PACRG: variants seen among roughly 807,000 people sequenced by gnomAD.
PACRG encodes parkin coregulated gene protein.
PACRG carries 29 observed loss-of-function variants against 29.7 expected under a neutral mutation model. The ratio of observed to expected loss-of-function variants is 0.98; its 90% CI spans 0.73 to 1.33. The LOEUF (loss-of-function observed/expected upper bound fraction) is 1.33. PACRG is among the 40% of genes most tolerant of loss of function. PACRG has a pLI of 0.00. For missense variants in PACRG, 279 were observed against 316.2 expected (o/e 0.88, Z 0.89); for synonymous variants, 116 against 118.7 (o/e 0.98, Z 0.15).
intron 3 of PACRG, among the ~76,000 whole-genome samples, chr6:163,075,507 A>G (rs1344756184): frequency 1.3e-5 from 2 of 152,228 alleles, no homozygotes; most frequent in Non-Finnish European, 2.9e-5. Context: ...ATTAAACAAT[A>G]TAACTAACAA....
intron 2 of PACRG, among the ~76,000 whole-genome samples, chr6:162,951,452 T>A (rs956426236): frequency 6.6e-6 from 1 of 152,216 alleles, no homozygotes; most frequent in Non-Finnish European, 1.5e-5. Flanking sequence ...GTCAGATATT[T>A]CTTTCAAACA....
chr6:163,107,435 G>T (rs986624068), intron 4 of PACRG, among the ~76,000 whole-genome samples: 1 of 152,152 alleles, frequency 6.6e-6, no homozygotes, highest in Non-Finnish European at 1.5e-5. Context: ...ATTGGTGGTG[G>T]ATCCCAGTTG....
intron 4 of PACRG, among the ~76,000 whole-genome samples, chr6:163,208,032 GT>G (rs1440349394): frequency 6.6e-6 from 1 of 152,202 alleles, no homozygotes; most frequent in Non-Finnish European, 1.5e-5. Flanking sequence ...GCCACAGACG[GT>G]CGGGCAATGC....
chr6:162,945,092 G>GA (rs970563850), intron 2 of PACRG, among the ~76,000 whole-genome samples: 23 of 150,066 alleles, frequency 1.5e-4, no homozygotes, highest in African/African-American at 3.7e-4. Flanking sequence ...CATTAACAGA[G>GA]AAAAAAAAAG....
intron 2 of PACRG, among the ~76,000 whole-genome samples, chr6:162,927,630 C>A (rs902071153): frequency 7.9e-5 from 12 of 151,920 alleles, no homozygotes; most frequent in African/African-American, 2.4e-4. Context: ...GGGAGGGGAA[C>A]AAAACACACC....
chr6:163,233,379 T>A (rs1474188628), intron 4 of PACRG, among the ~76,000 whole-genome samples: 1 of 152,124 alleles, frequency 6.6e-6, no homozygotes, highest in African/African-American at 2.4e-5. Flanking sequence ...GCAGGGGCAT[T>A]TTACAGTTGA....
rs115872292 is a variant in PACRG, at chr6:163,205,186, T to G, written c.614-109641T>G. Among the ~76,000 whole-genome samples the G allele has an allele frequency of 4.2e-3, 646 of 152,304 alleles. 6 individuals are homozygous for G. The highest frequency in any genetic ancestry group is 0.015 in the African/African-American group (608 of 41,548). Reference sequence around the variant, plus strand: ...GATGCTATTCCAATTAATCTACCAATGACATTCTTCATAGAATTAGAAAAA... The same window carrying G: ...GATGCTATTCCAATTAATCTACCAAGGACATTCTTCATAGAATTAGAAAAA... On this transcript the variant is annotated intron_variant, in intron 4 of 4. Transcript: ENST00000366888.
chr6:163,306,127 T>C (rs1307795379), intron 4 of PACRG, among the ~76,000 whole-genome samples: 1 of 152,262 alleles, frequency 6.6e-6, no homozygotes, highest in East Asian at 1.9e-4. Flanking sequence ...GGAATAATAA[T>C]AGTATTTAGC....
intron 4 of PACRG, among the ~76,000 whole-genome samples, chr6:163,167,323 A>C (rs982171223): frequency 2.0e-5 from 3 of 152,150 alleles, no homozygotes; most frequent in African/African-American, 7.2e-5. Context: ...AAATTCTGTA[A>C]ATTTTTCGGA....
At chr6:162,857,389 T>C (rs988153536) in intron 2 of PACRG, among the ~76,000 whole-genome samples, 2 of 152,206 alleles carry the variant, frequency 1.3e-5, no homozygotes, top group Admixed American at 1.3e-4. Context: ...AGGGAACATT[T>C]TGAAGGGAGG....
At chr6:162,787,632 T>C (rs1418710715) in intron 1 of PACRG, among the ~76,000 whole-genome samples, 1 of 136,122 alleles carries the variant, frequency 7.3e-6, no homozygotes, top group Non-Finnish European at 1.6e-5. Context: ...GGTTGTCCTC[T>C]CTCTTTTGCT....
At chr6:163,062,357 T>C in intron 3 of PACRG, 36 bp downstream of exon 3, 1 of 1,571,874 alleles carries the variant, frequency 6.4e-7, no homozygotes, top group South Asian at 1.2e-5. Flanking sequence ...ACTCAGTTTA[T>C]ACGGTGTTGC....
chr6:162,777,558 A>G lies in PACRG; in HGVS notation c.157-36589A>G, dbSNP rs1250032008. ...CATGGTGCTATTTATTGTTATTATT[A>G]ATTATTAGTTTTTTAATCACAGCCT... On this transcript the variant is annotated intron_variant, in intron 1 of 4. Coordinates refer to ENST00000366888, the MANE Select transcript of PACRG (RefSeq NM_001080379.2). This position sits in a 1 kb window ranked among gnomAD's most constrained non-coding sequence, Gnocchi z 4.0. 1.3e-5 allele frequency among the ~76,000 whole-genome samples: 2 copies of G among 152,124 alleles called. No individual in the cohort carries two copies.
chr6:163,180,952 T>C, intron 4 of PACRG, among the ~76,000 whole-genome samples: 1 of 152,254 alleles, frequency 6.6e-6, no homozygotes, highest in East Asian at 1.9e-4. Context: ...CGTACAGTTA[T>C]GACATTGACC....
chr6:163,101,958 C>A (rs959429967), intron 4 of PACRG, among the ~76,000 whole-genome samples: 2 of 152,180 alleles, frequency 1.3e-5, no homozygotes, highest in Non-Finnish European at 2.9e-5. Context: ...TTACTATGTG[C>A]CAGCGCAGCA....
chr6:162,786,705 T>C (rs1285779383), intron 1 of PACRG, among the ~76,000 whole-genome samples: 2 of 150,502 alleles, frequency 1.3e-5, no homozygotes, highest in African/African-American at 4.8e-5. Context: ...GGGCTTTTGA[T>C]TGTTTGAATA....
intron 4 of PACRG, among the ~76,000 whole-genome samples, chr6:163,146,449 A>T (rs866427357): frequency 6.6e-6 from 1 of 152,238 alleles, no homozygotes; most frequent in Non-Finnish European, 1.5e-5. Flanking sequence ...TCTCCAAGCT[A>T]TCTACTTGTG....
chr6:163,295,163 G>A (rs1784742737), intron 4 of PACRG, among the ~76,000 whole-genome samples: 1 of 152,188 alleles, frequency 6.6e-6, no homozygotes, highest in Non-Finnish European at 1.5e-5. Context: ...GTTGAATATT[G>A]GCAACGTTAT....
chr6:163,247,323 C>G (rs1434862054), intron 4 of PACRG, among the ~76,000 whole-genome samples: 1 of 152,150 alleles, frequency 6.6e-6, no homozygotes, highest in Non-Finnish European at 1.5e-5. Flanking sequence ...CCTGGAGGAG[C>G]GCTCCTTATG....
Sources: gnomAD v4.1 joint callset for allele counts (sites outside exome capture counted in the v4.1 genomes callset) on GRCh38, gnomAD v4.1.1 for gene constraint, Gnocchi (gnomAD v3.1) non-coding constraint, MANE v1.5 for transcripts, NCBI Gene and HGNC (gene_info 2026-07-23, HGNC 2026-07-21) for gene names.